Variants in ASAH2 observed in about 807,000 individuals in gnomAD.
ASAH2 encodes the protein N-acylsphingosine amidohydrolase 2.
A neutral mutation model predicts 82.9 loss-of-function variants in ASAH2; 58 were observed. The ratio of observed to expected loss-of-function variants is 0.70; its 90% CI spans 0.57 to 0.87. The LOEUF (loss-of-function observed/expected upper bound fraction) is 0.87, where lower values mean the gene tolerates loss of function less well. ASAH2 is among the 40% of genes least tolerant of loss of function. The pLI is 0.00. For missense variants in ASAH2, 779 were observed against 834.0 expected (o/e 0.93, Z 0.81); for synonymous variants, 276 against 289.7 (o/e 0.95, Z 0.48).
intron 15 of ASAH2, among the ~76,000 whole-genome samples, chr10:50,203,215 C>T (rs1351291185): frequency 2.6e-5 from 4 of 151,818 alleles, no homozygotes; most frequent in African/African-American, 4.8e-5. Flanking sequence ...TAATTTCCAG[C>T]GCTAAGTAAC....
chr10:50,240,634 A>T (rs971010000), intron 4 of ASAH2: 13 of 701,368 alleles, frequency 1.9e-5, no homozygotes, highest in Admixed American at 1.2e-4. Context: ...CTCCAACTAC[A>T]TGCCTCCATA....
intron 16 of ASAH2, among the ~76,000 whole-genome samples, chr10:50,200,435 T>C (rs1369337565): frequency 7.2e-5 from 11 of 151,830 alleles, no homozygotes; most frequent in African/African-American, 2.7e-4. Flanking sequence ...TCTGGACCTT[T>C]GCATATATCG....
chr10:50,244,348 TCATAAAATTTACC>T (rs138597272), intron 3 of ASAH2, among the ~76,000 whole-genome samples: 2,999 of 152,278 alleles, frequency 0.02, 88 homozygotes, highest in African/African-American at 0.068. Context: ...TCTCACCATG[TCATAAAATTTACC>T]CATAAAACTA....
At chr10:50,213,193 A>C in intron 9 of ASAH2, 135 bp from the exon 10 acceptor site, 1 of 817,346 alleles carries the variant, frequency 1.2e-6, no homozygotes, top group Non-Finnish European at 2.1e-6. Flanking sequence ...AGTCTCTCAA[A>C]GTACAAACTA....
chr10:50,214,284 G>A (rs1845539301), intron 9 of ASAH2, among the ~76,000 whole-genome samples: 1 of 152,108 alleles, frequency 6.6e-6, no homozygotes, highest in African/African-American at 2.4e-5. Context: ...ACTATTCTCT[G>A]TACTTCCACA....
rs574356093 is a variant in ASAH2, at chr10:50,248,722, T to C, written c.-36-76A>G. On this transcript the variant is annotated intron_variant, in intron 1 of 20. Transcript: ENST00000682911. ...AGGTTAAGATATCTTAGCTCTTTCA[T>C]ATTAATAGACTATACCAAGAACGAC... 1.8e-4 allele frequency: 202 copies of C among 1,139,994 alleles called. 11 individuals carry two copies. In the South Asian group the frequency reaches 3.1e-3, roughly 18 times the overall value. The allele number at this position is 1,139,994 out of a possible 1,614,324, so 70.6% of individuals were successfully genotyped here.
chr10:50,210,818 C>T lies in ASAH2; in HGVS notation c.1414+5G>A. The T allele has an allele frequency of 6.2e-7, 1 of 1,607,404 alleles. No individual in the cohort carries two copies. Among genetic ancestry groups the T allele is most frequent in the South Asian group, 1.1e-5 (1 of 90,924 alleles). The stretch of plus-strand genomic sequence containing the variant: ...AACCATAGATTTTACTGGACTTCAC[C>T]TTACCCTGTGTAAAATTGAGGCCTC... On this transcript the variant is annotated splice_donor_5th_base_variant and intron_variant, in intron 12 of 20. Coordinates refer to ENST00000682911, the MANE Select transcript of ASAH2 (RefSeq NM_019893.4).
Position 50,248,591 on chromosome 10 carries a change from G to C in ASAH2, c.20C>G (p.Ser7Cys). 1 of 1,613,730 alleles carries C rather than the reference G, an allele frequency of 6.2e-7. No individual in the cohort carries two copies. Among genetic ancestry groups the C allele is most frequent in the East Asian group, 2.2e-5 (1 of 44,878 alleles). The change falls in exon 2 of 21, where the codon TCT becomes TGT. Residue 7 changes from serine (S) to cysteine (C), a missense_variant. Ser to Cys is a moderately radical substitution (Grantham distance 112, BLOSUM62 -1). Coordinates refer to ENST00000682911, the MANE Select transcript of ASAH2 (RefSeq NM_019893.4). MAKRTF[S>C]NLETFLIFLL... ...GAAAATCAGGAATGTCTCCAAGTTA[G>C]AGAAGGTGCGTTTGGCCATTTCTTC... is the stretch of plus-strand genomic sequence containing the variant.
chr10:50,211,616 T>G (rs1049129406), intron 10 of ASAH2, among the ~76,000 whole-genome samples: 2 of 152,170 alleles, frequency 1.3e-5, no homozygotes, highest in Non-Finnish European at 2.9e-5. Context: ...CCACCCACAA[T>G]CCACTCTTCG....
chr10:50,239,410 T>C (rs1454621291), intron 4 of ASAH2, among the ~76,000 whole-genome samples: 1 of 152,130 alleles, frequency 6.6e-6, no homozygotes, highest in Non-Finnish European at 1.5e-5. Context: ...ACTATTGACT[T>C]GATAACACCT....
chr10:50,225,340 C>G (rs897560895), intron 7 of ASAH2, among the ~76,000 whole-genome samples: 2 of 152,064 alleles, frequency 1.3e-5, no homozygotes, highest in Admixed American at 6.6e-5. Flanking sequence ...CACTTGAACC[C>G]CCAGGAGGCA....
At chr10:50,197,433 T>A (rs1845016073) in intron 17 of ASAH2, among the ~76,000 whole-genome samples, 1 of 151,670 alleles carries the variant, frequency 6.6e-6, no homozygotes, top group African/African-American at 2.4e-5. Flanking sequence ...TTAATCTATA[T>A]TGCCCACAAA....
At chr10:50,206,616 T>A (rs1447429251) in intron 12 of ASAH2, among the ~76,000 whole-genome samples, 4 of 149,400 alleles carry the variant, frequency 2.7e-5, no homozygotes, top group Admixed American at 6.7e-5. Flanking sequence ...ATATGCATAA[T>A]CTGGGGTAAA....
chr10:50,185,130 A>G lies in ASAH2; in HGVS notation c.*2185T>C, dbSNP rs1844711565. ...CACCAATTTCAGGAGTTTCTGCCAC[A>G]TGGTTTGGCTCCAGTGAGCCAGTCC... On this transcript the variant is annotated 3_prime_UTR_variant, in exon 21 of 21. Transcript: ENST00000682911. 6.6e-6 allele frequency: 1 copy of G among 151,104 alleles called. No homozygotes were observed. The highest frequency in any genetic ancestry group is 1.5e-5 in the Non-Finnish European group (1 of 67,726). The allele number at this position is 151,104 out of a possible 1,614,324, so 9.4% of individuals were successfully genotyped here.
intron 3 of ASAH2, 135 bp from the exon 4 acceptor site, chr10:50,243,486 G>T: frequency 1.1e-6 from 1 of 890,348 alleles, no homozygotes; most frequent in Non-Finnish European, 1.6e-6. Flanking sequence ...CTGAGTGAGA[G>T]GATATATGTT....
Position 50,221,631 on chromosome 10 carries a change from ATG to A in ASAH2, c.894-3003_894-3002del, listed in dbSNP as rs1193949441. On this transcript the variant is annotated intron_variant, in intron 7 of 20. Transcript: ENST00000682911. Reference sequence around the variant, plus strand: ...AAGCAGAGCAATGAATTCAGGTTGTATGTGTGTGTGTGTGTGTGTGTGTGTGT... The same window carrying A: ...AAGCAGAGCAATGAATTCAGGTTGTATGTGTGTGTGTGTGTGTGTGTGTGT... Among the ~76,000 whole-genome samples, 738 of 146,714 alleles carry A rather than the reference ATG, an allele frequency of 5.0e-3. 2 individuals carry two copies. The highest frequency in any genetic ancestry group is 0.018 in the African/African-American group (691 of 38,228).
chr10:50,228,950 C>G (rs1845960336), intron 7 of ASAH2, among the ~76,000 whole-genome samples: 1 of 152,130 alleles, frequency 6.6e-6, no homozygotes, highest in South Asian at 2.1e-4. Context: ...AAGACAAAGC[C>G]TTTTCAGTTG....
chr10:50,203,673 C>T lies in ASAH2; in HGVS notation c.1632G>A (p.Met544Ile). Reference protein sequence around the residue: ...ITAIPGEFTTMSGRRLREAVQ... With the variant: ...ITAIPGEFTTISGRRLREAVQ... The stretch of plus-strand genomic sequence containing the variant: ...CTGCCTCTCGAAGTCTTCGTCCAGA[C>T]ATGGTCCTGAGTCAAGAAAAAAATT... The change falls in exon 15 of 21, where the codon ATG becomes ATA. Residue 544 changes from methionine (M) to isoleucine (I), a missense_variant. Met to Ile is a conservative substitution (Grantham distance 10, BLOSUM62 1). Around this residue, in one of 3 missense-constraint regions of ASAH2, gnomAD observed 759 missense variants for 755.2 expected, o/e 1.00. Transcript: ENST00000682911. 6.2e-7 allele frequency: 1 copy of T among 1,612,506 alleles called. No homozygotes were observed. Among genetic ancestry groups the T allele is most frequent in the Non-Finnish European group, 8.5e-7 (1 of 1,178,832 alleles).
intron 7 of ASAH2, among the ~76,000 whole-genome samples, chr10:50,225,686 T>C (rs1322576585): frequency 6.6e-6 from 1 of 152,170 alleles, no homozygotes; most frequent in East Asian, 1.9e-4. Flanking sequence ...AAAGGGGTGT[T>C]GGGCAATTTA....
Sources: allele counts gnomAD v4.1 joint callset (sites outside exome capture counted in the v4.1 genomes callset), GRCh38; gene constraint gnomAD v4.1.1; regional missense constraint gnomAD v4.1.1; transcripts MANE v1.5; gene names NCBI Gene and HGNC (gene_info 2026-07-23, HGNC 2026-07-21).